The following PHIP variants were observed in gnomAD, a reference collection of about 807,000 sequenced individuals.
PHIP encodes PH-interacting protein.
Under a neutral mutation model 236.8 loss-of-function variants are expected in PHIP, and 54 were observed. That is an observed-to-expected ratio of 0.23 (90% CI 0.18 to 0.29). The LOEUF (loss-of-function observed/expected upper bound fraction) is 0.29. Ranked by LOEUF, PHIP falls within the 10% of genes least tolerant of loss-of-function variation. PHIP has a pLI of 1.00. For synonymous variants in PHIP, 756 were observed against 718.9 expected (o/e 1.05, Z -0.83); for missense variants, 1,370 against 2,190.8 (o/e 0.63, Z 7.48).
chr6:78,949,295 GA>G (rs1774005076), intron 35 of PHIP, among the ~76,000 whole-genome samples: 1 of 152,118 alleles, frequency 6.6e-6, no homozygotes, highest in South Asian at 2.1e-4. Flanking sequence ...ACAGACCTGG[GA>G]AAAGATTGCC....
chr6:79,061,309 T>C (rs1466112356), intron 4 of PHIP, among the ~76,000 whole-genome samples: 1 of 152,126 alleles, frequency 6.6e-6, no homozygotes, highest in South Asian at 2.1e-4. Flanking sequence ...TAGAAAAAAA[T>C]TTCCACAGTA....
At chr6:79,071,458 A>T (rs1354841091) in intron 4 of PHIP, among the ~76,000 whole-genome samples, 2 of 152,246 alleles carry the variant, frequency 1.3e-5, no homozygotes, top group Non-Finnish European at 2.9e-5. Context: ...TTCTCAAAAA[A>T]TAATAGAAAC....
At chr6:79,075,610 CA>C (rs1774113393) in intron 4 of PHIP, among the ~76,000 whole-genome samples, 1 of 102,878 alleles carries the variant, frequency 9.7e-6, no homozygotes, top group Admixed American at 1.5e-4. Context: ...AACTCAAAAT[CA>C]AAATTGATAG....
chr6:78,948,158 A>G (rs999753116), intron 35 of PHIP, among the ~76,000 whole-genome samples: 1 of 152,206 alleles, frequency 6.6e-6, no homozygotes, highest in Non-Finnish European at 1.5e-5. Context: ...TGACTCATTA[A>G]AACACAACTG....
intron 17 of PHIP, among the ~76,000 whole-genome samples, chr6:79,001,212 T>C (rs1373725971): frequency 6.6e-6 from 1 of 152,060 alleles, no homozygotes; most frequent in Non-Finnish European, 1.5e-5. Flanking sequence ...TATTTTTACT[T>C]AATACACTAG....
intron 10 of PHIP, among the ~76,000 whole-genome samples, chr6:79,017,830 A>C: frequency 6.6e-6 from 1 of 152,076 alleles, no homozygotes; most frequent in East Asian, 1.9e-4. Context: ...AAATAATTTC[A>C]CTAAGTGAAT....
intron 6 of PHIP, among the ~76,000 whole-genome samples, chr6:79,046,792 C>T (rs1582279641): frequency 6.6e-6 from 1 of 151,922 alleles, no homozygotes; most frequent in East Asian, 1.9e-4. Flanking sequence ...AGAAGAACAG[C>T]TTGAACCCCG....
intron 35 of PHIP, among the ~76,000 whole-genome samples, chr6:78,953,351 G>A (rs1766184910): frequency 1.3e-5 from 2 of 152,152 alleles, no homozygotes; most frequent in Admixed American, 6.5e-5. Context: ...TAATACTTGT[G>A]CCTCTAGAAT....
At chr6:78,941,577 T>C (rs1408380487) in intron 39 of PHIP, among the ~76,000 whole-genome samples, 3 of 152,190 alleles carry the variant, frequency 2.0e-5, no homozygotes, top group South Asian at 2.1e-4. Context: ...AAGTGACTTA[T>C]CTAAGTTAAC....
In PHIP at chr6:79,001,963, T is replaced by C. The variant is rs899450563; in HGVS notation, c.1815A>G (p.Leu605=). ...GNPHPSRYQR[L]VPGRENCREE... Reference sequence around the variant, plus strand: ...CCCTGCAATTTTCACGGCCAGGAACTAATCTTTGATATCTTGATGGATGAG... The same window carrying C: ...CCCTGCAATTTTCACGGCCAGGAACCAATCTTTGATATCTTGATGGATGAG... The change falls in exon 17 of 40, where the codon TTA becomes TTG. Residue 605 remains leucine (L), a synonymous_variant. Coordinates refer to ENST00000275034, the MANE Select transcript of PHIP (RefSeq NM_017934.7). The C allele has an allele frequency of 3.7e-6, 6 of 1,613,120 alleles. No individual in the cohort carries two copies. The African/African-American group carries it at 8.0e-5, about 22-fold the overall frequency.
Position 79,002,066 on chromosome 6 carries a change from T to C in PHIP, c.1712A>G (p.Asn571Ser), listed in dbSNP as rs766045758. ...CTGAGTCTGTTCATCTAATACAAAA[T>C]TGTTGGCATCACGAATAAGTGGCCG... is the stretch of plus-strand genomic sequence containing the variant. ...DYRPLIRDAN[N>S]FVLDEQTQQA... Residue 571 changes from asparagine to serine, a missense_variant, in exon 17 of 40, where the codon AAT (asparagine) becomes AGT (serine). Asn to Ser is a conservative substitution (Grantham distance 46). Transcript: ENST00000275034. The C allele has an allele frequency of 1.2e-6, 2 of 1,613,158 alleles. No homozygotes were observed. The highest frequency in any genetic ancestry group is 1.3e-5 in the African/African-American group (1 of 74,860).
At chr6:78,950,418 T>C (rs1450867216) in intron 35 of PHIP, among the ~76,000 whole-genome samples, 1 of 152,162 alleles carries the variant, frequency 6.6e-6, no homozygotes, top group Non-Finnish European at 1.5e-5. Context: ...TTGTGTAGAA[T>C]TTGTGTTAAT....
At chr6:79,071,338 A>C (rs1322015179) in intron 4 of PHIP, among the ~76,000 whole-genome samples, 2 of 152,164 alleles carry the variant, frequency 1.3e-5, no homozygotes, top group Non-Finnish European at 2.9e-5. Flanking sequence ...CATTTTCACC[A>C]ATTTGTTATA....
At chr6:78,997,763 G>A (rs1769717436) in intron 18 of PHIP, among the ~76,000 whole-genome samples, 166 bp from the exon 19 acceptor site, 1 of 152,032 alleles carries the variant, frequency 6.6e-6, no homozygotes, top group Non-Finnish European at 1.5e-5. Context: ...GTGGTTTAAT[G>A]AAAACAAAAC....
intron 7 of PHIP, among the ~76,000 whole-genome samples, chr6:79,028,746 T>A (rs1403860562): frequency 6.6e-6 from 1 of 152,214 alleles, no homozygotes; most frequent in Non-Finnish European, 1.5e-5. Context: ...GTAGACCATA[T>A]AACAAAAGTA....
chr6:79,059,256 T>C (rs1773233568), intron 6 of PHIP, among the ~76,000 whole-genome samples: 1 of 152,012 alleles, frequency 6.6e-6, no homozygotes, highest in Non-Finnish European at 1.5e-5. Flanking sequence ...ACACAGAGGT[T>C]ATTTTAAGAT....
chr6:78,983,194 G>C, intron 22 of PHIP, 77 bp from the exon 23 acceptor site: 2 of 727,404 alleles, frequency 2.7e-6, no homozygotes, highest in Non-Finnish European at 4.3e-6. Context: ...CGAAAAGAAA[G>C]ATTATAATAA....
rs183683588 is a variant in PHIP, at chr6:78,936,233, T to C, written c.*4460A>G. 2.0e-5 allele frequency: 3 copies of C among 152,098 alleles called. No individual in the cohort carries two copies. The highest frequency in any genetic ancestry group is 7.2e-5 in the African/African-American group (3 of 41,580). The allele number at this position is 152,098 out of a possible 1,614,324, so 9.4% of individuals were successfully genotyped here. On this transcript the variant is annotated 3_prime_UTR_variant, in exon 40 of 40. Coordinates refer to ENST00000275034, the MANE Select transcript of PHIP (RefSeq NM_017934.7). ...TGTTTTCTGTACAAAATAAGCATAA[T>C]CTTAATTTGAAAATGTGTCAGTTTC...
chr6:79,051,919 GGTTT>G (rs2127766377), intron 6 of PHIP, among the ~76,000 whole-genome samples: 1 of 149,990 alleles, frequency 6.7e-6, no homozygotes, highest in East Asian at 1.9e-4. Flanking sequence ...TAAGTTAGGT[GGTTT>G]TTTTTAATGT....
Sources: gnomAD v4.1 joint callset for allele counts (sites outside exome capture counted in the v4.1 genomes callset) on GRCh38, gnomAD v4.1.1 for gene constraint, MANE v1.5 for transcripts, NCBI Gene and HGNC (gene_info 2026-07-23, HGNC 2026-07-21) for gene names.